Variants in MMS22L observed in about 807,000 individuals in gnomAD.
The protein encoded by MMS22L is MMS22 like, DNA repair protein, also known as protein MMS22-like.
MMS22L carries 74 observed loss-of-function variants against 159.1 expected under a neutral mutation model. The observed-to-expected ratio is 0.47, with a 90% CI of 0.39 to 0.56. The LOEUF is 0.56. Among genes scored for constraint, MMS22L ranks in the 20% least tolerant of loss-of-function variants. MMS22L has a pLI of 0.00. For synonymous variants in MMS22L, 517 were observed against 506.9 expected (o/e 1.02, Z -0.27); for missense variants, 1,351 against 1,422.1 (o/e 0.95, Z 0.80).
Position 97,146,212 on chromosome 6 carries a change from T to C in MMS22L, c.*594A>G, listed in dbSNP as rs1800921359. Reference sequence around the variant, plus strand: ...TTTACACTTCTTTTTGGATATCAGCTGTATAATCCTTTAGCCAGATTCAGT... The same window carrying C: ...TTTACACTTCTTTTTGGATATCAGCCGTATAATCCTTTAGCCAGATTCAGT... On this transcript the variant is annotated 3_prime_UTR_variant, in exon 25 of 25. Transcript: ENST00000683635. The C allele has an allele frequency of 6.6e-6, 1 of 152,078 alleles. No homozygotes were observed. Among genetic ancestry groups the C allele is most frequent in the Admixed American group, 6.6e-5 (1 of 15,260 alleles). 9.4% of individuals were successfully genotyped at this position (152,078 alleles called of 1,614,324 possible). A position where few individuals can be genotyped will look rare whatever the true frequency, so the allele number is the denominator to read the frequency against.
rs763677158 is a variant in MMS22L at position 97,245,886 on chromosome 6, CACACATAT to C, written c.1182+734_1182+741del. ...ACACACACACACACACACACACACA[CACACATAT>C]AAAGCAATATTATACTACAATATTT... On this transcript the variant is annotated intron_variant, in intron 11 of 24. Coordinates refer to ENST00000683635, the MANE Select transcript of MMS22L (RefSeq NM_001350599.2). 13 of 194,440 alleles carry C rather than the reference CACACATAT, an allele frequency of 6.7e-5. 1 individual carries two copies. Among genetic ancestry groups the C allele is most frequent in the South Asian group, 5.2e-4 (8 of 15,302 alleles). 12.0% of individuals were successfully genotyped at this position (194,440 alleles called of 1,614,324 possible). A position where few individuals can be genotyped will look rare whatever the true frequency, so the allele number is the denominator to read the frequency against.
At chr6:97,271,418 T>A (rs1815722378) in intron 6 of MMS22L, 1 of 152,170 alleles carries the variant, frequency 6.6e-6, no homozygotes, top group African/African-American at 2.4e-5. Context: ...CTTACATATT[T>A]GATGGATAAC....
chr6:97,209,065 T>C (rs1020540304), intron 14 of MMS22L, among the ~76,000 whole-genome samples: 4 of 151,946 alleles, frequency 2.6e-5, no homozygotes, highest in African/African-American at 9.7e-5. Context: ...TAAATCCTAC[T>C]TCTTGAATAC....
At chr6:97,251,791 T>C (rs1026080894) in intron 10 of MMS22L, among the ~76,000 whole-genome samples, 21 of 152,082 alleles carry the variant, frequency 1.4e-4, no homozygotes, top group Admixed American at 1.4e-3. Flanking sequence ...CTGTATGAAA[T>C]GGAAGGGTAG....
intron 17 of MMS22L, among the ~76,000 whole-genome samples, chr6:97,179,100 C>A (rs1209314130): frequency 6.6e-6 from 1 of 151,846 alleles, no homozygotes; most frequent in Non-Finnish European, 1.5e-5. Flanking sequence ...CTACTTTTTT[C>A]GTGATCAGTT....
intron 1 of MMS22L, 38 bp downstream of exon 1, chr6:97,283,058 G>A (rs1816917653): frequency 6.6e-6 from 1 of 152,314 alleles, no homozygotes; most frequent in Non-Finnish European, 1.5e-5. Flanking sequence ...GCTGCAGCAA[G>A]GACCCGGGGC....
chr6:97,232,154 A>G (rs1199979973), intron 12 of MMS22L, among the ~76,000 whole-genome samples: 1 of 152,106 alleles, frequency 6.6e-6, no homozygotes, highest in Admixed American at 6.5e-5. Context: ...AGAATCTTTC[A>G]TCAGTAGTAC....
chr6:97,254,763 T>C (rs1242396542), intron 9 of MMS22L, 30 bp from the exon 10 acceptor site: 3 of 1,515,796 alleles, frequency 2.0e-6, no homozygotes, highest in East Asian at 4.6e-5. Flanking sequence ...TTGATTCCAT[T>C]AAGACAGTTT....
At chr6:97,201,529 A>C (rs1305474359) in intron 14 of MMS22L, among the ~76,000 whole-genome samples, 1 of 152,202 alleles carries the variant, frequency 6.6e-6, no homozygotes, top group Non-Finnish European at 1.5e-5. Context: ...CACCATCAAC[A>C]ATGTCAACTC....
chr6:97,281,408 C>A, intron 2 of MMS22L, 46 bp from the exon 3 acceptor site: 1 of 1,448,234 alleles, frequency 6.9e-7, no homozygotes, highest in South Asian at 1.3e-5. Context: ...TACTAAGTAC[C>A]ATAATACGAC....
intron 14 of MMS22L, among the ~76,000 whole-genome samples, chr6:97,217,725 T>A (rs900262305): frequency 1.3e-5 from 2 of 152,168 alleles, no homozygotes; most frequent in Admixed American, 6.5e-5. Context: ...TTGTGAAAGC[T>A]TTGATATCTT....
At chr6:97,210,684 T>A (rs1160896808) in intron 14 of MMS22L, among the ~76,000 whole-genome samples, 1 of 151,978 alleles carries the variant, frequency 6.6e-6, no homozygotes, top group African/African-American at 2.4e-5. Context: ...TATTAGTCCA[T>A]ATAGAAATCA....
chr6:97,170,160 C>A (rs1474267866), intron 19 of MMS22L, among the ~76,000 whole-genome samples: 1 of 152,144 alleles, frequency 6.6e-6, no homozygotes, highest in Admixed American at 6.6e-5. Context: ...AGGATTGGTA[C>A]TATCTGCGGT....
At chr6:97,241,519 T>C (rs1278923871) in intron 11 of MMS22L, among the ~76,000 whole-genome samples, 1 of 152,184 alleles carries the variant, frequency 6.6e-6, no homozygotes, top group African/African-American at 2.4e-5. Flanking sequence ...GGTGTTGCAT[T>C]GTGGTTTTGA....
At chr6:97,250,586 A>G (rs976264266) in intron 10 of MMS22L, among the ~76,000 whole-genome samples, 2 of 152,214 alleles carry the variant, frequency 1.3e-5, no homozygotes, top group African/African-American at 4.8e-5. Flanking sequence ...CATTAAACAG[A>G]AACGTAAGAA....
chr6:97,264,458 T>C (rs1025586544), intron 8 of MMS22L: 1 of 152,062 alleles, frequency 6.6e-6, no homozygotes, highest in African/African-American at 2.4e-5. Flanking sequence ...AAATTAATAA[T>C]GTATGCAATA....
chr6:97,164,385 C>CTAAT (rs1802748631), intron 21 of MMS22L, among the ~76,000 whole-genome samples: 1 of 150,836 alleles, frequency 6.6e-6, no homozygotes. Context: ...AGTTTAAAAG[C>CTAAT]TAATTTCATA....
chr6:97,168,261 C>T lies in MMS22L; in HGVS notation c.2840-21G>A, dbSNP rs781114515. 5.6e-6 allele frequency: 9 copies of T among 1,609,898 alleles called. No individual in the cohort carries two copies. In the South Asian group the frequency reaches 8.8e-5, roughly 16 times the overall value. On this transcript the variant is annotated intron_variant, in intron 19 of 24. Transcript: ENST00000683635. Reference sequence around the variant, plus strand: ...AATTCCTAACAAAGAAGAGAAGTAACAGCATGTTGTTGTTATCCTCTGACC... The same window carrying T: ...AATTCCTAACAAAGAAGAGAAGTAATAGCATGTTGTTGTTATCCTCTGACC...
chr6:97,194,570 G>T (rs1348249663), intron 14 of MMS22L, among the ~76,000 whole-genome samples: 1 of 152,068 alleles, frequency 6.6e-6, no homozygotes, highest in East Asian at 1.9e-4. Context: ...TTCATTTATT[G>T]AATAGGCCTT....
Sources: gnomAD v4.1 joint callset for allele counts (sites outside exome capture counted in the v4.1 genomes callset) on GRCh38, gnomAD v4.1.1 for gene constraint, MANE v1.5 for transcripts, NCBI Gene and HGNC (gene_info 2026-07-23, HGNC 2026-07-21) for gene names.